The following MMEL1 variants were observed in gnomAD, a reference collection of about 807,000 sequenced individuals.
MMEL1 encodes the protein membrane metalloendopeptidase like 1, also known as membrane metallo-endopeptidase-like 1.
In MMEL1, 98 loss-of-function variants were observed where a neutral mutation model predicts 117.1. The ratio of observed to expected loss-of-function variants is 0.84; its 90% CI spans 0.71 to 0.99. MMEL1 has a LOEUF of 0.99. MMEL1 is among the 50% of genes least tolerant of loss of function. The probability of loss-of-function intolerance (pLI) is 0.00; values close to 1 mark genes in which losing one functional copy is unlikely to be tolerated. For missense variants in MMEL1, 1,014 were observed against 1,049.1 expected, an observed-to-expected ratio of 0.97 and a Z score of 0.46; for synonymous variants, 390 against 415.1, an observed-to-expected ratio of 0.94 and a Z score of 0.74.
At chr1:2,594,963 G>A in intron 16 of MMEL1, 70 bp from the exon 17 acceptor site, 2 of 1,344,506 alleles carry the variant, frequency 1.5e-6, no homozygotes, top group Admixed American at 1.9e-5. Flanking sequence ...GAGAGGTCCT[G>A]GGTGGTTGGG....
intron 9 of MMEL1, among the ~76,000 whole-genome samples, chr1:2,605,104 C>A (rs184881554): frequency 7.0e-4 from 107 of 152,270 alleles, no homozygotes; most frequent in Non-Finnish European, 1.1e-3. Context: ...CCCTTCCCTG[C>A]ACCCTGGGCT....
chr1:2,610,904 T>C (rs1307434050), intron 4 of MMEL1, among the ~76,000 whole-genome samples: 2 of 152,248 alleles, frequency 1.3e-5, no homozygotes, highest in East Asian at 1.9e-4. Flanking sequence ...TAACAGTTTT[T>C]GTCATCTGCA....
chr1:2,611,315 G>T lies in MMEL1; in HGVS notation c.258C>A (p.Ser86Arg). ...PRGIPEAQEV[S>R]EVCTTPGCVI... ...CGCAGCCAGGGGTGGTGCAGACCTC[G>T]CTCACCTCTTGGGCCTCTGGGATCC... The change falls in exon 4 of 24, where the codon AGC becomes AGA. Residue 86 changes from serine (S) to arginine (R), a missense_variant. By Grantham distance (110) the Ser-to-Arg change is moderately radical (BLOSUM62 -1). Coordinates refer to ENST00000378412, the MANE Select transcript of MMEL1 (RefSeq NM_033467.4). 1.9e-6 allele frequency: 3 copies of T among 1,566,512 alleles called. No homozygotes were observed. Among genetic ancestry groups the T allele is most frequent in the Non-Finnish European group, 1.7e-6 (2 of 1,158,176 alleles).
intron 2 of MMEL1, among the ~76,000 whole-genome samples, chr1:2,616,850 G>A (rs1390540271): frequency 6.6e-6 from 1 of 152,178 alleles, no homozygotes; most frequent in African/African-American, 2.4e-5. Flanking sequence ...CAGCTCCCAC[G>A]GCATTCCCAA....
At chr1:2,630,586 CGTGT>C (rs36036408) in intron 1 of MMEL1, among the ~76,000 whole-genome samples, 3 of 143,228 alleles carry the variant, frequency 2.1e-5, no homozygotes, top group Admixed American at 1.4e-4. Context: ...TGAGTGTGCA[CGTGT>C]GTGTCCTCGT....
In MMEL1 at chr1:2,596,050, C is replaced by T; in HGVS notation, c.1459G>A (p.Gly487Ser). ...TTCTTGGACTCCTCGTCCATCCAGC[C>T]CAGCTCGTCCAGCGTCTCCACAAAC... is the stretch of plus-strand genomic sequence containing the variant. ...TVFVETLDEL[G>S]WMDEESKKKA... Residue 487 changes from glycine (G) to serine (S), a missense_variant, in exon 15 of 24, where the codon GGC (glycine) becomes AGC (serine). By Grantham distance (56) the Gly-to-Ser change is moderately conservative. Transcript: ENST00000378412. The T allele has an allele frequency of 3.1e-6, 5 of 1,614,062 alleles. No homozygotes were observed. In the South Asian group the frequency reaches 4.4e-5, roughly 14 times the overall value.
At chr1:2,626,144 C>T (rs1303356906) in intron 2 of MMEL1, among the ~76,000 whole-genome samples, 1 of 152,138 alleles carries the variant, frequency 6.6e-6, no homozygotes, top group Non-Finnish European at 1.5e-5. Flanking sequence ...ATGTGCGATG[C>T]GATTATGTAC....
chr1:2,595,389 G>T lies in MMEL1; in HGVS notation c.1501-30C>A. ...GTGGGGAGGAGGGACTGGTCAGTGG[G>T]TGCCCCACTGCGGATGGAGTCAGCC... is the stretch of plus-strand genomic sequence containing the variant. On this transcript the variant is annotated intron_variant, in intron 15 of 23. Coordinates refer to ENST00000378412, the MANE Select transcript of MMEL1 (RefSeq NM_033467.4). This position sits in a 1 kb window ranked among gnomAD's most constrained non-coding sequence, Gnocchi z 4.8. 6.2e-7 allele frequency: 1 copy of T among 1,602,818 alleles called. No individual in the cohort carries two copies. Among genetic ancestry groups the T allele is most frequent in the Non-Finnish European group, 8.5e-7 (1 of 1,170,424 alleles).
intron 11 of MMEL1, among the ~76,000 whole-genome samples, chr1:2,600,524 C>A (rs1644913496): frequency 1.6e-5 from 2 of 121,646 alleles, no homozygotes; most frequent in African/African-American, 5.6e-5. Flanking sequence ...CATAGAGAAA[C>A]CCTGTTTCTG....
intron 6 of MMEL1, among the ~76,000 whole-genome samples, chr1:2,608,790 G>A (rs10910109): frequency 7.8e-4 from 119 of 151,772 alleles, no homozygotes; most frequent in African/African-American, 1.6e-3. Context: ...TGTACACACC[G>A]CATGCATATA....
intron 11 of MMEL1, among the ~76,000 whole-genome samples, chr1:2,603,355 A>T (rs1415486326): frequency 6.6e-6 from 1 of 152,010 alleles, no homozygotes; most frequent in Non-Finnish European, 1.5e-5. Flanking sequence ...CGGCTGAGGG[A>T]GTGGGGGACT....
chr1:2,630,922 C>T (rs1638543715), intron 1 of MMEL1, among the ~76,000 whole-genome samples: 1 of 149,312 alleles, frequency 6.7e-6, no homozygotes, highest in Admixed American at 6.7e-5. Context: ...TGTGCATGTG[C>T]ATGATTGTGT....
At position 2,592,941 on chromosome 1, in the gene MMEL1, G is replaced by A. The variant is rs1032032633; in HGVS notation, c.1893C>T (p.Asn631=). ...DNGRNFDKNG[N]MMDWWSNFST... is the part of the protein sequence containing the mutation. ...AGAAGTTACTCCACCAATCCATCATGTTGCCATTCTTGTCGAAGTTCCGGC... is the reference window on the plus strand; with the variant it reads ...AGAAGTTACTCCACCAATCCATCATATTGCCATTCTTGTCGAAGTTCCGGC... The change falls in exon 20 of 24, where the codon AAC becomes AAT. Residue 631 remains asparagine, a synonymous_variant. Coordinates refer to ENST00000378412, the MANE Select transcript of MMEL1 (RefSeq NM_033467.4). 1 of 1,613,738 alleles carries A rather than the reference G, an allele frequency of 6.2e-7. No homozygotes were observed. The highest frequency in any genetic ancestry group is 8.5e-7 in the Non-Finnish European group (1 of 1,179,954).
chr1:2,628,535 C>G (rs1638380624), intron 2 of MMEL1, among the ~76,000 whole-genome samples: 5 of 152,204 alleles, frequency 3.3e-5, no homozygotes, highest in Admixed American at 3.3e-4. Context: ...GAGCATTGCT[C>G]CCCGATGTGT....
rs1021398395 is a variant in MMEL1, at chr1:2,595,173, G to A, written c.1584+103C>T. 4.3e-5 allele frequency: 45 copies of A among 1,050,128 alleles called. No individual in the cohort carries two copies. Among genetic ancestry groups the A allele is most frequent in the Admixed American group, 1.5e-4 (7 of 46,870 alleles). 65.1% of individuals were successfully genotyped at this position (1,050,128 alleles called of 1,614,324 possible). On this transcript the variant is annotated intron_variant, in intron 16 of 23. Transcript: ENST00000378412. This position sits in a 1 kb window ranked among gnomAD's most constrained non-coding sequence, Gnocchi z 4.8. ...GCACGGTGAGGACAGCTGTGTTAGC[G>A]CCTGGGAGGAGGGCACAGAGCTTGG...
chr1:2,609,635 G>A (rs376926234), intron 5 of MMEL1, 35 bp downstream of exon 5: 47 of 1,587,054 alleles, frequency 3.0e-5, no homozygotes, highest in African/African-American at 2.5e-4. Flanking sequence ...CCTGTTCGGC[G>A]TCACCCCACT....
In MMEL1 at chr1:2,595,028, A is replaced by G; in HGVS notation, c.1585-135T>C. On this transcript the variant is annotated intron_variant, in intron 16 of 23. Coordinates refer to ENST00000378412, the MANE Select transcript of MMEL1 (RefSeq NM_033467.4). The surrounding 1 kb of genome is among the most constrained non-coding windows in gnomAD (Gnocchi z 4.8). ...CACGTGGACAGTCGGCTGTGGGTGC[A>G]GGTGAACGGGGCAGCCCTGGCTGTG... The G allele has an allele frequency of 1.3e-6, 1 of 760,872 alleles. No individual in the cohort carries two copies. The highest frequency in any genetic ancestry group is 2.6e-5 in the East Asian group (1 of 39,214). 47.1% of individuals were successfully genotyped at this position (760,872 alleles called of 1,614,324 possible).
chr1:2,595,073 G>C lies in MMEL1; in HGVS notation c.1585-180C>G, dbSNP rs1644811739. Among the ~76,000 whole-genome samples, 2 of 152,106 alleles carry C rather than the reference G, an allele frequency of 1.3e-5. No individual in the cohort carries two copies. The highest frequency in any genetic ancestry group is 4.8e-5 in the African/African-American group (2 of 41,420). On this transcript the variant is annotated intron_variant, in intron 16 of 23. Coordinates refer to ENST00000378412, the MANE Select transcript of MMEL1 (RefSeq NM_033467.4). The surrounding 1 kb of genome is among the most constrained non-coding windows in gnomAD (Gnocchi z 4.8). ...GCTGTGGGCATTTACATGACTCTGA[G>C]CAAGTCCCTCGTCCCTCCAGGCCTC...
At position 2,596,649 on chromosome 1, in the gene MMEL1, T is replaced by A; in HGVS notation, c.1313A>T (p.Glu438Val). The change falls in exon 14 of 24, where the codon GAA becomes GTA. Residue 438 changes from glutamate (E) to valine (V), a missense_variant. Physicochemically the swap from Glu to Val is moderately radical, Grantham distance 121. Transcript: ENST00000378412. ...GTTGCTGTTGACGTAGCCCACACAT[T>A]CACGCCAGCGCACCTCCTCCACCAT... is the stretch of plus-strand genomic sequence containing the variant. ...GTMVEEVRWRECVGYVNSNME... is the reference protein window; with the variant it reads ...GTMVEEVRWRVCVGYVNSNME... 1.2e-6 allele frequency: 2 copies of A among 1,613,106 alleles called. No individual in the cohort carries two copies. Among genetic ancestry groups the A allele is most frequent in the Non-Finnish European group, 1.7e-6 (2 of 1,179,830 alleles).
Sources: gnomAD v4.1 joint callset for allele counts (sites outside exome capture counted in the v4.1 genomes callset) on GRCh38, gnomAD v4.1.1 for gene constraint, Gnocchi (gnomAD v3.1) non-coding constraint, MANE v1.5 for transcripts, NCBI Gene and HGNC (gene_info 2026-07-23, HGNC 2026-07-21) for gene names.